ABI3BP: variants seen among roughly 807,000 people sequenced by gnomAD.
ABI3BP encodes the protein target of Nesh-SH3.
Under a neutral mutation model 268.6 loss-of-function variants are expected in ABI3BP, and 216 were observed. That is an observed-to-expected ratio of 0.80 (90% CI 0.72 to 0.90). The LOEUF is 0.90. ABI3BP is among the 40% of genes least tolerant of loss of function. The pLI is 0.00. For missense variants in ABI3BP, 2,090 were observed against 2,182.4 expected, an observed-to-expected ratio of 0.96 and a Z score of 0.84; for synonymous variants, 730 against 730.0, an observed-to-expected ratio of 1.00 and a Z score of 0.00.
In ABI3BP at chr3:100,824,851, G is replaced by T; in HGVS notation, c.2746+7C>A. 1 of 1,534,088 alleles carries T rather than the reference G, an allele frequency of 6.5e-7. No homozygotes were observed. The highest frequency in any genetic ancestry group is 8.7e-7 in the Non-Finnish European group (1 of 1,145,044). Reference sequence around the variant, plus strand: ...ATCACCCTTAAACCAAGGAATCACAGATTTACCAGGTTTGGTCTCAGGTGC... The same window carrying T: ...ATCACCCTTAAACCAAGGAATCACATATTTACCAGGTTTGGTCTCAGGTGC... On this transcript the variant is annotated splice_region_variant and intron_variant, in intron 36 of 67. Transcript: ENST00000471714.
intron 1 of ABI3BP, among the ~76,000 whole-genome samples, chr3:100,986,444 T>C (rs1475440376): frequency 6.6e-6 from 1 of 152,184 alleles, no homozygotes; most frequent in Non-Finnish European, 1.5e-5. Flanking sequence ...TTGTGGACAT[T>C]TGTTATAAGA....
intron 42 of ABI3BP, 74 bp downstream of exon 42, chr3:100,817,362 G>A (rs1340550346): frequency 2.0e-5 from 21 of 1,067,916 alleles, no homozygotes; most frequent in Non-Finnish European, 2.7e-5. Flanking sequence ...TGATGACAAT[G>A]TGATTATGAT....
intron 50 of ABI3BP, among the ~76,000 whole-genome samples, chr3:100,807,597 C>T (rs2097749913): frequency 6.6e-6 from 1 of 151,848 alleles, no homozygotes; most frequent in Non-Finnish European, 1.5e-5. Flanking sequence ...AATGACAGTA[C>T]CTAATGACAG....
At chr3:100,820,373 T>C in intron 39 of ABI3BP, 70 bp from the exon 40 acceptor site, 1 of 1,210,718 alleles carries the variant, frequency 8.3e-7, no homozygotes, top group Non-Finnish European at 1.1e-6. Context: ...TGACATACGG[T>C]TTGAGATCTC....
chr3:100,893,047 T>A (rs2045508860), intron 4 of ABI3BP, among the ~76,000 whole-genome samples: 2 of 152,204 alleles, frequency 1.3e-5, no homozygotes, highest in Admixed American at 1.3e-4. Flanking sequence ...GGACACCATC[T>A]AATCAGCTGA....
At chr3:100,837,268 A>G (rs1180161472) in intron 26 of ABI3BP, 97 bp from the exon 27 acceptor site, 1 of 894,832 alleles carries the variant, frequency 1.1e-6, no homozygotes, top group Non-Finnish European at 1.6e-6. Context: ...CACAGAGTCT[A>G]GTTTATTCTA....
rs188202907 is a variant in ABI3BP, at chr3:100,802,958, C to T, written c.3757+1834G>A. Among the ~76,000 whole-genome samples the T allele has an allele frequency of 1.3e-3, 191 of 146,390 alleles. 24 individuals are homozygous for T. Among genetic ancestry groups the T allele is most frequent in the East Asian group, 1.8e-3 (9 of 5,138 alleles). ...TACATAAAATCTAGAACTGTTTGAA[C>T]ACATCAGAATCCAATGTGTTTGAAC... On this transcript the variant is annotated intron_variant, in intron 51 of 67. Coordinates refer to ENST00000471714, the MANE Select transcript of ABI3BP (RefSeq NM_001375547.2).
chr3:100,947,855 G>T lies in ABI3BP; in HGVS notation c.80-21374C>A, dbSNP rs2073214648. 2.0e-5 allele frequency among the ~76,000 whole-genome samples: 3 copies of T among 152,196 alleles called. No homozygotes were observed. The South Asian group carries it at 6.2e-4, about 32-fold the overall frequency. On this transcript the variant is annotated intron_variant, in intron 1 of 67. Transcript: ENST00000471714. ...AAATAGACCCAAGGGAACACTAGAG[G>T]GAAAATCAAAGATTGCGGGACTGAG...
intron 3 of ABI3BP, among the ~76,000 whole-genome samples, chr3:100,899,809 A>G (rs2049368708): frequency 6.6e-6 from 1 of 152,202 alleles, no homozygotes; most frequent in South Asian, 2.1e-4. Flanking sequence ...TCCCTCTTTT[A>G]TTTCTTGAGA....
chr3:100,865,733 A>G (rs994729315), intron 10 of ABI3BP, among the ~76,000 whole-genome samples: 5 of 152,110 alleles, frequency 3.3e-5, no homozygotes, highest in African/African-American at 9.7e-5. Context: ...AAACATGTAG[A>G]CTCTCCCATC....
chr3:100,899,171 C>T (rs1225039488), intron 3 of ABI3BP, among the ~76,000 whole-genome samples: 2 of 152,088 alleles, frequency 1.3e-5, no homozygotes, highest in Non-Finnish European at 2.9e-5. Flanking sequence ...TTAACAATAT[C>T]CAGCTATACC....
Position 100,902,867 on chromosome 3 carries a change from T to A in ABI3BP, c.260-181A>T, listed in dbSNP as rs374472937. ...TGAGAAGTTTATTAAGTCATTAAAA[T>A]GAAAATTAAATCCAGATTTTCCAAA... On this transcript the variant is annotated intron_variant, in intron 2 of 67. Transcript: ENST00000471714. Among the ~76,000 whole-genome samples, 100 of 152,312 alleles carry A rather than the reference T, an allele frequency of 6.6e-4. 1 individual carries two copies. The South Asian group carries it at 0.015, about 23-fold the overall frequency.
intron 52 of ABI3BP, 130 bp from the exon 53 acceptor site, chr3:100,795,981 G>C: frequency 1.6e-6 from 1 of 636,986 alleles, no homozygotes; most frequent in South Asian, 2.5e-5. Context: ...TAATAAATAA[G>C]AGAAAATTCT....
chr3:100,967,322 T>G (rs1049564670), intron 1 of ABI3BP, among the ~76,000 whole-genome samples: 32 of 151,696 alleles, frequency 2.1e-4, no homozygotes, highest in Non-Finnish European at 7.4e-5. Flanking sequence ...GCCAACATGG[T>G]GAAATATTGT....
Position 100,926,250 on chromosome 3 carries a change from C to A in ABI3BP, c.259+52G>T, listed in dbSNP as rs918755655. 8.3e-6 allele frequency: 13 copies of A among 1,571,476 alleles called. 1 individual carries two copies. The highest frequency in any genetic ancestry group is 6.7e-5 in the East Asian group (3 of 44,496). Reference sequence around the variant, plus strand: ...TCAAGATTTGTAGGTCATGTTACACCCCCCCACCTCTTACCTCCTTTCCTT... The same window carrying A: ...TCAAGATTTGTAGGTCATGTTACACACCCCCACCTCTTACCTCCTTTCCTT... On this transcript the variant is annotated intron_variant, in intron 2 of 67. Transcript: ENST00000471714.
At position 100,896,752 on chromosome 3, in the gene ABI3BP, G is replaced by C. The variant is rs140332897; in HGVS notation, c.461+2010C>G. Among the ~76,000 whole-genome samples, 376 of 152,188 alleles carry C rather than the reference G, an allele frequency of 2.5e-3. 1 individual carries two copies. Among genetic ancestry groups the C allele is most frequent in the African/African-American group, 8.5e-3 (354 of 41,532 alleles). ...TAGGAACCGGAATTATCACAAGGAG[G>C]CATGTTCTTTTGAGTCCATTTTCCA... On this transcript the variant is annotated intron_variant, in intron 4 of 67. Coordinates refer to ENST00000471714, the MANE Select transcript of ABI3BP (RefSeq NM_001375547.2).
At chr3:100,907,495 G>A (rs560536059) in intron 2 of ABI3BP, among the ~76,000 whole-genome samples, 87 of 152,022 alleles carry the variant, frequency 5.7e-4, no homozygotes, top group African/African-American at 2.0e-3. Flanking sequence ...TTGTTTTGGG[G>A]GGGGAATAAA....
intron 1 of ABI3BP, among the ~76,000 whole-genome samples, chr3:100,985,385 G>A (rs1380836275): frequency 1.3e-5 from 2 of 151,856 alleles, no homozygotes; most frequent in African/African-American, 2.4e-5. Context: ...CCCTGACCTC[G>A]TGATCCGCCC....
chr3:100,914,317 T>A (rs2057831895), intron 2 of ABI3BP: 1 of 314,362 alleles, frequency 3.2e-6, no homozygotes, highest in East Asian at 7.8e-5. Context: ...GACAGAACAC[T>A]CTGTTATGCC....
Sources: gnomAD v4.1 joint callset for allele counts (sites outside exome capture counted in the v4.1 genomes callset) on GRCh38, gnomAD v4.1.1 for gene constraint, MANE v1.5 for transcripts, NCBI Gene and HGNC (gene_info 2026-07-23, HGNC 2026-07-21) for gene names.